Variants in SUSD6 observed in about 807,000 individuals in gnomAD.
SUSD6 encodes sushi domain containing 6.
A neutral mutation model predicts 28.4 loss-of-function variants in SUSD6; 16 were observed. That is an observed-to-expected ratio of 0.56 (90% CI 0.38 to 0.86). The LOEUF (loss-of-function observed/expected upper bound fraction) is 0.86, where lower values mean the gene tolerates loss of function less well. Among genes scored for constraint, SUSD6 ranks in the 40% least tolerant of loss-of-function variants. The pLI, the probability that SUSD6 is intolerant of heterozygous loss-of-function variation, is 0.00. For synonymous variants in SUSD6, 147 were observed against 159.6 expected (o/e 0.92, Z 0.59); for missense variants, 341 against 384.2 (o/e 0.89, Z 0.94).
At chr14:69,693,639 C>A (rs1346913582) in intron 2 of SUSD6, among the ~76,000 whole-genome samples, 2 of 152,136 alleles carry the variant, frequency 1.3e-5, no homozygotes, top group African/African-American at 4.8e-5. Flanking sequence ...TTTATCAGTG[C>A]CTAGTAATGT....
At chr14:69,626,281 C>T (rs775961349) in intron 1 of SUSD6, among the ~76,000 whole-genome samples, 16 of 152,190 alleles carry the variant, frequency 1.1e-4, no homozygotes, top group Non-Finnish European at 1.3e-4. Flanking sequence ...TTTCTGTTCT[C>T]TGCTTATCAG....
At chr14:69,679,886 A>G (rs1475580766) in intron 2 of SUSD6, among the ~76,000 whole-genome samples, 1 of 152,204 alleles carries the variant, frequency 6.6e-6, no homozygotes, top group Non-Finnish European at 1.5e-5. Context: ...GCGTCTGCCA[A>G]TTCCCAGGCC....
chr14:69,650,588 C>A (rs542172794), intron 1 of SUSD6, among the ~76,000 whole-genome samples: 1 of 152,204 alleles, frequency 6.6e-6, no homozygotes, highest in Non-Finnish European at 1.5e-5. Context: ...TTCCTACCTT[C>A]AGGTCAGGAA....
chr14:69,696,676 A>T (rs1886229167), intron 2 of SUSD6, among the ~76,000 whole-genome samples: 1 of 152,104 alleles, frequency 6.6e-6, no homozygotes, highest in Non-Finnish European at 1.5e-5. Flanking sequence ...ACCTGTCCTG[A>T]CTGCTGGCCA....
chr14:69,674,371 A>G (rs540198409), intron 2 of SUSD6, among the ~76,000 whole-genome samples: 1 of 152,252 alleles, frequency 6.6e-6, no homozygotes, highest in East Asian at 1.9e-4. Flanking sequence ...CTTCTTCTTA[A>G]CTTGGTACAG....
At chr14:69,660,327 T>C (rs1885644066) in intron 2 of SUSD6, among the ~76,000 whole-genome samples, 1 of 152,228 alleles carries the variant, frequency 6.6e-6, no homozygotes, top group Non-Finnish European at 1.5e-5. Context: ...CCTTCTCCAC[T>C]ACCAACATAT....
chr14:69,614,756 G>T (rs531934186), intron 1 of SUSD6, among the ~76,000 whole-genome samples: 1 of 152,252 alleles, frequency 6.6e-6, no homozygotes, highest in African/African-American at 2.4e-5. Flanking sequence ...TACCAAACAA[G>T]TGAACTGTGG....
intron 2 of SUSD6, among the ~76,000 whole-genome samples, chr14:69,675,419 C>T (rs1431108722): frequency 2.6e-5 from 4 of 152,300 alleles, no homozygotes; most frequent in South Asian, 4.1e-4. Flanking sequence ...CCCTGGTGGA[C>T]GTCCAGAGGA....
chr14:69,658,821 G>C (rs1201269965), intron 2 of SUSD6, 108 bp downstream of exon 2: 1 of 1,443,670 alleles, frequency 6.9e-7, no homozygotes, highest in Non-Finnish European at 9.6e-7. Context: ...GTTTCAGGGA[G>C]AGCAGAGGGT....
intron 1 of SUSD6, among the ~76,000 whole-genome samples, chr14:69,620,878 G>A (rs1282096537): frequency 1.3e-5 from 2 of 152,198 alleles, no homozygotes. Context: ...ACTGGGAGAA[G>A]GGGAATAAGA....
intron 1 of SUSD6, among the ~76,000 whole-genome samples, chr14:69,652,841 T>C (rs1885523582): frequency 6.6e-6 from 1 of 152,234 alleles, no homozygotes; most frequent in African/African-American, 2.4e-5. Context: ...CCATGTGAAC[T>C]TTGGGCTTGT....
intron 1 of SUSD6, among the ~76,000 whole-genome samples, chr14:69,618,446 A>G (rs542375595): frequency 1.3e-5 from 2 of 152,358 alleles, no homozygotes; most frequent in South Asian, 4.1e-4. Context: ...TTCAACAGCT[A>G]GTCTTGCTTT....
At chr14:69,613,063 CA>C (rs1405522236) in intron 1 of SUSD6, among the ~76,000 whole-genome samples, 2 of 152,096 alleles carry the variant, frequency 1.3e-5, no homozygotes, top group African/African-American at 4.8e-5. Context: ...CATATTCAAC[CA>C]GAAATTAAAA....
At chr14:69,704,960 A>T (rs936007843) in intron 4 of SUSD6, among the ~76,000 whole-genome samples, 1 of 152,170 alleles carries the variant, frequency 6.6e-6, no homozygotes, top group Non-Finnish European at 1.5e-5. Flanking sequence ...AACATTGCAG[A>T]TGAGGAAATT....
chr14:69,618,671 A>G, intron 1 of SUSD6, among the ~76,000 whole-genome samples: 1 of 152,242 alleles, frequency 6.6e-6, no homozygotes, highest in South Asian at 2.1e-4. Context: ...TTCTTCTAGA[A>G]AGTTCCCTCC....
chr14:69,620,054 G>C (rs777388053), intron 1 of SUSD6, among the ~76,000 whole-genome samples: 54 of 152,192 alleles, frequency 3.5e-4, no homozygotes, highest in Non-Finnish European at 5.6e-4. Context: ...TGTGTTTAGT[G>C]GGTGCTGCTG....
chr14:69,669,062 C>CTTTTTTTT (rs58962166), intron 2 of SUSD6, among the ~76,000 whole-genome samples: 2 of 77,982 alleles, frequency 2.6e-5, no homozygotes, highest in African/African-American at 4.7e-5. Context: ...CTTTTCTTTT[C>CTTTTTTTT]TTTTTTTTTT....
At chr14:69,626,166 C>T (rs1476137090) in intron 1 of SUSD6, among the ~76,000 whole-genome samples, 3 of 152,134 alleles carry the variant, frequency 2.0e-5, no homozygotes, top group South Asian at 2.1e-4. Context: ...CCAGAGAATG[C>T]GAGATTCTCC....
At chr14:69,628,644 T>G (rs1297549029) in intron 1 of SUSD6, among the ~76,000 whole-genome samples, 1 of 151,938 alleles carries the variant, frequency 6.6e-6, no homozygotes, top group African/African-American at 2.4e-5. Flanking sequence ...AACCAAGCTC[T>G]GAAACATTTC....
Sources: allele counts gnomAD v4.1 joint callset (sites outside exome capture counted in the v4.1 genomes callset), GRCh38; gene constraint gnomAD v4.1.1; transcripts MANE v1.5; gene names NCBI Gene and HGNC (gene_info 2026-07-23, HGNC 2026-07-21).